Variants in MYLK3 observed in about 807,000 individuals in gnomAD.
The protein encoded by MYLK3 is myosin light chain kinase 3, also known as MLC kinase.
A neutral mutation model predicts 76.3 loss-of-function variants in MYLK3; 55 were observed. The observed-to-expected ratio is 0.72, with a 90% confidence interval of 0.58 to 0.90. The LOEUF (loss-of-function observed/expected upper bound fraction) is 0.90. MYLK3 is among the 40% of genes least tolerant of loss of function. The pLI is 0.00. For synonymous variants in MYLK3, 416 were observed against 425.4 expected, an observed-to-expected ratio of 0.98 and a Z score of 0.27; for missense variants, 973 against 1,053.6, an observed-to-expected ratio of 0.92 and a Z score of 1.06.
At chr16:46,721,060 G>T in intron 9 of MYLK3, 63 bp downstream of exon 9, 1 of 1,419,674 alleles carries the variant, frequency 7.0e-7, no homozygotes, top group Non-Finnish European at 1.0e-6. Flanking sequence ...GAGTAACCAT[G>T]CCCAGAGAGC....
In MYLK3 at chr16:46,703,860, G is replaced by A. The variant is rs975993390; in HGVS notation, c.*3844C>T. ...GTCCAATATAGATGCCACTAACCAC[G>A]TGTGGCTATTAAACACTTAAAATGT... On this transcript the variant is annotated 3_prime_UTR_variant, in exon 13 of 13. Coordinates refer to ENST00000394809, the MANE Select transcript of MYLK3 (RefSeq NM_182493.3). 2.0e-5 allele frequency: 3 copies of A among 153,716 alleles called. No individual in the cohort carries two copies. Among genetic ancestry groups the A allele is most frequent in the Non-Finnish European group, 2.9e-5 (2 of 68,038 alleles). The allele number at this position is 153,716 out of a possible 1,614,324, so 9.5% of individuals were successfully genotyped here.
chr16:46,722,119 G>A (rs1040820586), intron 8 of MYLK3, among the ~76,000 whole-genome samples: 4 of 152,148 alleles, frequency 2.6e-5, no homozygotes, highest in Admixed American at 6.5e-5. Flanking sequence ...AGGGAGTCTG[G>A]AAGGATGCTC....
chr16:46,712,842 A>C, intron 9 of MYLK3, 66 bp from the exon 10 acceptor site: 13 of 1,431,166 alleles, frequency 9.1e-6, no homozygotes, highest in Non-Finnish European at 1.2e-5. Context: ...GCTGGGGCTC[A>C]TTTCTGGTGG....
Position 46,716,960 on chromosome 16 carries a change from G to T in MYLK3, c.1985+4163C>A, listed in dbSNP as rs1168623744. Among the ~76,000 whole-genome samples, 5 of 152,262 alleles carry T rather than the reference G, an allele frequency of 3.3e-5. No homozygotes were observed. In the East Asian group the frequency reaches 9.7e-4, roughly 29 times the overall value. On this transcript the variant is annotated intron_variant, in intron 9 of 12. Coordinates refer to ENST00000394809, the MANE Select transcript of MYLK3 (RefSeq NM_182493.3). ...CTCCATGCCCCTTCCCCCATACCTT[G>T]CCCTGTGCCCCTCTTCACCTGTATT...
At chr16:46,717,072 G>C (rs960142612) in intron 9 of MYLK3, among the ~76,000 whole-genome samples, 14 of 152,146 alleles carry the variant, frequency 9.2e-5, no homozygotes, top group Non-Finnish European at 2.1e-4. Flanking sequence ...CCAAAGAGGG[G>C]GTCTTGGGAA....
intron 1 of MYLK3, among the ~76,000 whole-genome samples, chr16:46,761,793 G>A (rs947320266): frequency 6.6e-6 from 1 of 152,088 alleles, no homozygotes; most frequent in African/African-American, 2.4e-5. Flanking sequence ...ACTCCAGCCT[G>A]GGCAACAGAG....
At chr16:46,727,810 A>G (rs1400152289) in intron 7 of MYLK3, among the ~76,000 whole-genome samples, 1 of 152,206 alleles carries the variant, frequency 6.6e-6, no homozygotes, top group Non-Finnish European at 1.5e-5. Flanking sequence ...TATAGGCGTG[A>G]GCCACCCCGC....
intron 1 of MYLK3, among the ~76,000 whole-genome samples, chr16:46,755,229 C>T (rs1014082023): frequency 1.6e-4 from 24 of 151,960 alleles, no homozygotes; most frequent in Admixed American, 4.6e-4. Flanking sequence ...GCTGCTTTGA[C>T]GATATACTCC....
upstream of MYLK3, among the ~76,000 whole-genome samples, chr16:46,749,643 G>C (rs1034418875): frequency 2.6e-5 from 4 of 152,228 alleles, no homozygotes; most frequent in African/African-American, 9.6e-5. Context: ...TAGCTACTCA[G>C]GAGGCTAAGG....
At chr16:46,738,284 C>T (rs1596767036) in intron 2 of MYLK3, 141 bp from the exon 3 acceptor site, 2 of 723,872 alleles carry the variant, frequency 2.8e-6, no homozygotes, top group African/African-American at 1.8e-5. Context: ...ATGAAAGGGG[C>T]TGGTTGACTA....
chr16:46,730,296 T>G (rs939193603), intron 5 of MYLK3, among the ~76,000 whole-genome samples: 3 of 152,124 alleles, frequency 2.0e-5, no homozygotes, highest in African/African-American at 7.2e-5. Flanking sequence ...CCACCTCATG[T>G]CGGCTTTCCG....
chr16:46,737,845 C>T lies in MYLK3; in HGVS notation c.867G>A (p.Ser289=), dbSNP rs1468037240. 5.6e-6 allele frequency: 9 copies of T among 1,613,736 alleles called. No homozygotes were observed. Among genetic ancestry groups the T allele is most frequent in the South Asian group, 1.1e-5 (1 of 91,076 alleles). ...EVAPGAGQGA[S]SSRPDPEPLE... ...AGGGCTCAGGGTCAGGCCTGCTGGACGATGCTCCTTGTCCTGCACCTGGTG... is the reference window on the plus strand; with the variant it reads ...AGGGCTCAGGGTCAGGCCTGCTGGATGATGCTCCTTGTCCTGCACCTGGTG... The change falls in exon 3 of 13, where the codon TCG becomes TCA. Residue 289 remains serine (S), a synonymous_variant. Transcript: ENST00000394809.
At chr16:46,747,132 G>A (rs1189541495) in intron 1 of MYLK3, among the ~76,000 whole-genome samples, 1 of 152,172 alleles carries the variant, frequency 6.6e-6, no homozygotes, top group Non-Finnish European at 1.5e-5. Context: ...CCATTAGCCT[G>A]CAGGATTGAT....
intron 3 of MYLK3, among the ~76,000 whole-genome samples, chr16:46,734,988 A>C (rs1966861510): frequency 6.6e-6 from 1 of 151,974 alleles, no homozygotes. Context: ...AAAAACATAA[A>C]AAATTAACCA....
chr16:46,740,905 T>C (rs554825810), intron 1 of MYLK3, among the ~76,000 whole-genome samples: 2 of 152,330 alleles, frequency 1.3e-5, no homozygotes, highest in South Asian at 4.1e-4. Flanking sequence ...TCATGGCTAC[T>C]ACAGCATTGG....
In MYLK3 at chr16:46,747,858, C is replaced by A; in HGVS notation, c.336G>T (p.Glu112Asp). Reference protein sequence around the residue: ...QDAAQHGARLEALFRMVAAVD... With the variant: ...QDAAQHGARLDALFRMVAAVD... ...CCGCAGCCACCATCCTGAAGAGGGC[C>A]TCCAGCCTGGCACCGTGCTGGGCCG... is the stretch of plus-strand genomic sequence containing the variant. The change falls in exon 1 of 13, where the codon GAG becomes GAT. Residue 112 changes from glutamate (E) to aspartate (D), a missense_variant. Coordinates refer to ENST00000394809, the MANE Select transcript of MYLK3 (RefSeq NM_182493.3). 6.2e-7 allele frequency: 1 copy of A among 1,614,148 alleles called. No homozygotes were observed. Among genetic ancestry groups the A allele is most frequent in the Non-Finnish European group, 8.5e-7 (1 of 1,180,032 alleles).
chr16:46,709,649 A>G lies in MYLK3; in HGVS notation c.2290T>C (p.Cys764Arg), dbSNP rs1966662619. Residue 764 changes from cysteine to arginine, a missense_variant, in exon 12 of 13, where the codon TGC (cysteine) becomes CGC (arginine). Around this residue, in one of 2 missense-constraint regions of MYLK3, gnomAD observed 332 missense variants for 416.6 expected, o/e 0.80. Transcript: ENST00000394809. ...EKSCRMSATQ[C>R]LKHEWLNNLP... ...TTATTCAGCCACTCGTGTTTCAGGC[A>G]CTGTGTGGCACTCATTCTGCAGCTG... is the stretch of plus-strand genomic sequence containing the variant. 6.2e-7 allele frequency: 1 copy of G among 1,612,902 alleles called. No homozygotes were observed. Among genetic ancestry groups the G allele is most frequent in the Admixed American group, 1.7e-5 (1 of 59,624 alleles).
Position 46,747,989 on chromosome 16 carries a change from CCTCCAG to C in MYLK3, c.199_204del (p.Leu67_Glu68del). The C allele has an allele frequency of 6.2e-7, 1 of 1,613,540 alleles. No individual in the cohort carries two copies. On this transcript the variant is annotated inframe_deletion, in exon 1 of 13. Coordinates refer to ENST00000394809, the MANE Select transcript of MYLK3 (RefSeq NM_182493.3). ...CCGCCCGGGCCCGGTGCCCGGGAGG[CCTCCAG>C]CCTGTGCAGGCCCCGCTCCAGGTGG...
chr16:46,737,848 TG>T lies in MYLK3; in HGVS notation c.863del (p.Ala288AspfsTer11), dbSNP rs776360970. 2.0e-5 allele frequency: 32 copies of T among 1,613,950 alleles called. No homozygotes were observed. The highest frequency in any genetic ancestry group is 2.7e-5 in the Non-Finnish European group (32 of 1,180,030). On this transcript the variant is annotated frameshift_variant, in exon 3 of 13. Transcript: ENST00000394809. LOFTEE classifies it high-confidence loss of function. Reference protein sequence around the residue: ...LEVAPGAGQGASSSRPDPEPL... With the variant: ...LEVAPGAGQGXSSSRPDPEPL... The stretch of plus-strand genomic sequence containing the variant: ...GCTCAGGGTCAGGCCTGCTGGACGA[TG>T]CTCCTTGTCCTGCACCTGGTGCAAC...
Sources: allele counts gnomAD v4.1 joint callset (sites outside exome capture counted in the v4.1 genomes callset), GRCh38; gene constraint gnomAD v4.1.1; regional missense constraint gnomAD v4.1.1; transcripts MANE v1.5; gene names NCBI Gene and HGNC (gene_info 2026-07-23, HGNC 2026-07-21).